KATNBL1: variants seen among roughly 807,000 people sequenced by gnomAD.
KATNBL1 encodes katanin regulatory subunit B1 like 1.
In KATNBL1, 28 loss-of-function variants were observed where a neutral mutation model predicts 44.7. The ratio of observed to expected loss-of-function variants is 0.63; its 90% CI spans 0.46 to 0.86. The LOEUF (loss-of-function observed/expected upper bound fraction) is 0.86, where lower values mean the gene tolerates loss of function less well. KATNBL1 is among the 40% of genes least tolerant of loss of function. KATNBL1 has a pLI of 0.00. For synonymous variants in KATNBL1, 78 were observed against 114.9 expected, an observed-to-expected ratio of 0.68 and a Z score of 2.06; for missense variants, 272 against 350.7, an observed-to-expected ratio of 0.78 and a Z score of 1.79.
At chr15:34,155,405 G>A (rs558008856) in intron 2 of KATNBL1, among the ~76,000 whole-genome samples, 2 of 152,286 alleles carry the variant, frequency 1.3e-5, no homozygotes, top group South Asian at 2.1e-4. Context: ...CCACGGATGC[G>A]AGGTATGATG....
At chr15:34,166,219 G>A (rs1888967315) in intron 1 of KATNBL1, 1 of 152,274 alleles carries the variant, frequency 6.6e-6, no homozygotes, top group Admixed American at 6.5e-5. Context: ...TGGAAAAACG[G>A]GACACTCTAG....
chr15:34,181,460 G>C (rs1889521420), intron 1 of KATNBL1, among the ~76,000 whole-genome samples: 1 of 150,332 alleles, frequency 6.7e-6, no homozygotes, highest in Non-Finnish European at 1.5e-5. Flanking sequence ...AAATACTGAA[G>C]GTCTTCATAA....
chr15:34,173,435 G>A (rs1256268701), intron 1 of KATNBL1, among the ~76,000 whole-genome samples: 2 of 152,052 alleles, frequency 1.3e-5, no homozygotes, highest in East Asian at 3.9e-4. Context: ...AAATTCTCAG[G>A]CAACCTAAAA....
chr15:34,174,626 G>A (rs1889267388), intron 1 of KATNBL1, among the ~76,000 whole-genome samples: 1 of 151,146 alleles, frequency 6.6e-6, no homozygotes, highest in Non-Finnish European at 1.5e-5. Context: ...CATGCAGAAA[G>A]TAAAAGGAAG....
chr15:34,209,876 A>C (rs1442688658), intron 1 of KATNBL1, 75 bp downstream of exon 1: 1 of 151,188 alleles, frequency 6.6e-6, no homozygotes, highest in East Asian at 1.9e-4. Flanking sequence ...GGCGCGGCCA[A>C]GCCCGGCTGG....
At chr15:34,154,108 C>T (rs1351767918) in intron 3 of KATNBL1, among the ~76,000 whole-genome samples, 2 of 152,174 alleles carry the variant, frequency 1.3e-5, no homozygotes, top group African/African-American at 4.8e-5. Flanking sequence ...TCTGCTTCTC[C>T]ATTCAATCTA....
chr15:34,167,977 CA>C (rs1227970596), intron 1 of KATNBL1, among the ~76,000 whole-genome samples: 1 of 152,094 alleles, frequency 6.6e-6, no homozygotes, highest in Non-Finnish European at 1.5e-5. Flanking sequence ...CCAGCCACTG[CA>C]AAAATATGCC....
At chr15:34,194,010 C>T (rs193082204) in intron 1 of KATNBL1, among the ~76,000 whole-genome samples, 120 of 152,122 alleles carry the variant, frequency 7.9e-4, no homozygotes, top group African/African-American at 2.7e-3. Flanking sequence ...GGCACGATCT[C>T]GGCTCACCAC....
rs1888158169 is a variant in KATNBL1 at position 34,141,827 on chromosome 15, AT to A, written c.*511del. On this transcript the variant is annotated 3_prime_UTR_variant, in exon 10 of 10. Coordinates refer to ENST00000256544, the MANE Select transcript of KATNBL1 (RefSeq NM_024713.3). ...CACAGTATCTCAGTGTGAACAAAAA[AT>A]GTTTAATATTGATTTTTTTCATGTT... 1 of 151,136 alleles carries A rather than the reference AT, an allele frequency of 6.6e-6. No homozygotes were observed. Among genetic ancestry groups the A allele is most frequent in the South Asian group, 2.1e-4 (1 of 4,756 alleles). 9.4% of individuals were successfully genotyped at this position (151,136 alleles called of 1,614,324 possible).
At chr15:34,151,435 A>ATTTTTTTTTTTTTTTTTTTTTT (rs1491367010) in intron 4 of KATNBL1, among the ~76,000 whole-genome samples, 3 of 63,828 alleles carry the variant, frequency 4.7e-5, no homozygotes, top group Non-Finnish European at 9.6e-5. Flanking sequence ...TCCTTTGCCT[A>ATTTTTTTTTTTTTTTTTTTTTT]CTTTTTTTTT....
intron 1 of KATNBL1, among the ~76,000 whole-genome samples, chr15:34,176,909 A>G (rs1597447637): frequency 2.0e-5 from 3 of 152,320 alleles, no homozygotes; most frequent in East Asian, 1.9e-4. Context: ...GCATTTGACA[A>G]TGTAACTAAA....
chr15:34,162,735 C>T (rs1040090221), intron 2 of KATNBL1, among the ~76,000 whole-genome samples: 2 of 151,532 alleles, frequency 1.3e-5, no homozygotes, highest in African/African-American at 4.8e-5. Flanking sequence ...TCAGCCTCCC[C>T]AGTAGCTAGG....
chr15:34,192,452 G>T (rs1028881543), intron 1 of KATNBL1, among the ~76,000 whole-genome samples: 1 of 151,754 alleles, frequency 6.6e-6, no homozygotes, highest in Non-Finnish European at 1.5e-5. Flanking sequence ...CAAGAAATAG[G>T]ATACCAGACT....
chr15:34,148,554 C>CG (rs1163770884), intron 5 of KATNBL1, 78 bp downstream of exon 5: 18 of 833,296 alleles, frequency 2.2e-5, no homozygotes, highest in Middle Eastern at 3.7e-4. Context: ...TGCCACTGTA[C>CG]TCCAACTTGG....
chr15:34,208,684 G>C (rs1261809279), intron 1 of KATNBL1: 3 of 152,194 alleles, frequency 2.0e-5, no homozygotes, highest in Non-Finnish European at 4.4e-5. Flanking sequence ...ATAGTCAATG[G>C]ATTTTTTGCT....
intron 1 of KATNBL1, among the ~76,000 whole-genome samples, chr15:34,193,284 A>G (rs1889940649): frequency 6.7e-6 from 1 of 149,664 alleles, no homozygotes; most frequent in African/African-American, 2.5e-5. Flanking sequence ...CTGTAATCCC[A>G]GCACTTTGGG....
intron 1 of KATNBL1, among the ~76,000 whole-genome samples, chr15:34,165,164 T>C (rs967010563): frequency 2.0e-5 from 3 of 152,206 alleles, no homozygotes; most frequent in Non-Finnish European, 4.4e-5. Flanking sequence ...CAAACTAGCA[T>C]GTGCAGAACT....
chr15:34,160,910 T>C (rs1478200598), intron 2 of KATNBL1, among the ~76,000 whole-genome samples: 1 of 152,148 alleles, frequency 6.6e-6, no homozygotes, highest in Non-Finnish European at 1.5e-5. Flanking sequence ...TGCCTTCCTT[T>C]CCTAGAGGCT....
At chr15:34,157,001 A>G (rs1888658371) in intron 2 of KATNBL1, among the ~76,000 whole-genome samples, 1 of 152,212 alleles carries the variant, frequency 6.6e-6, no homozygotes, top group Non-Finnish European at 1.5e-5. Flanking sequence ...AATCTCCGTC[A>G]AACTCTTCCC....
Sources: gnomAD v4.1 joint callset for allele counts (sites outside exome capture counted in the v4.1 genomes callset) on GRCh38, gnomAD v4.1.1 for gene constraint, MANE v1.5 for transcripts, NCBI Gene and HGNC (gene_info 2026-07-23, HGNC 2026-07-21) for gene names.